RPSA2: variants seen among roughly 807,000 people sequenced by gnomAD.
The protein encoded by RPSA2 is small ribosomal subunit protein uS2B.
At chr19:23,780,430 T>A in the RPSA2 span, among the ~76,000 whole-genome samples, 1 of 151,960 alleles carries the variant, frequency 6.6e-6, no homozygotes, top group African/African-American at 2.4e-5. Context: ...GATCACAAGG[T>A]CAGGAGATCG....
At chr19:23,827,022 A>G in the RPSA2 span, 7 of 666,906 alleles carry the variant, frequency 1.0e-5, no homozygotes, top group East Asian at 1.9e-4. Context: ...TATCTACTGA[A>G]TGATTTATTG....
At chr19:23,842,446 A>G in the RPSA2 span, 1 of 152,260 alleles carries the variant, frequency 6.6e-6, no homozygotes, top group African/African-American at 2.4e-5. Context: ...CCAGTCTCTT[A>G]TGTAAAACAG....
At chr19:23,774,992 C>G in the RPSA2 span, among the ~76,000 whole-genome samples, 2 of 152,134 alleles carry the variant, frequency 1.3e-5, no homozygotes, top group Non-Finnish European at 2.9e-5. Flanking sequence ...GATGTTTACT[C>G]TCATATCAAA....
At chr19:23,860,017 C>T in the RPSA2 span, among the ~76,000 whole-genome samples, 52,287 of 152,062 alleles carry the variant, frequency 0.34, 9,238 homozygotes, top group Non-Finnish European at 0.38. Flanking sequence ...AAAATGTATT[C>T]TATCAAAGAG....
At chr19:23,810,424 AAAAGGGC>A in the RPSA2 span, among the ~76,000 whole-genome samples, 4 of 962 alleles carry the variant, frequency 4.2e-3, 2 homozygotes, top group Non-Finnish European at 0.013. Flanking sequence ...AAAAAAAGGG[AAAAGGGC>A]TTGGATAGTT....
At chr19:23,780,367 G>T in the RPSA2 span, among the ~76,000 whole-genome samples, 2 of 152,140 alleles carry the variant, frequency 1.3e-5, no homozygotes, top group African/African-American at 4.8e-5. Flanking sequence ...CTATCGGCCG[G>T]GCGCGGTGGC....
the RPSA2 span, among the ~76,000 whole-genome samples, chr19:23,802,826 CAATA>C: frequency 6.6e-6 from 1 of 152,070 alleles, no homozygotes; most frequent in Non-Finnish European, 1.5e-5. Context: ...ATGGTGGGTA[CAATA>C]AATAGACATG....
the RPSA2 span, among the ~76,000 whole-genome samples, chr19:23,855,366 A>G: frequency 6.6e-6 from 1 of 152,208 alleles, no homozygotes; most frequent in Non-Finnish European, 1.5e-5. Flanking sequence ...AGAGTCTGTA[A>G]TACCATTTTA....
chr19:23,804,893 T>C, the RPSA2 span, among the ~76,000 whole-genome samples: 2 of 152,220 alleles, frequency 1.3e-5, no homozygotes, highest in Non-Finnish European at 1.5e-5. Context: ...CATCTATTTG[T>C]TTTAATTAAG....
chr19:23,826,127 T>A, the RPSA2 span, among the ~76,000 whole-genome samples: 1 of 151,896 alleles, frequency 6.6e-6, no homozygotes, highest in Non-Finnish European at 1.5e-5. Flanking sequence ...AATGTTTTTA[T>A]CTTGCAAAGC....
chr19:23,785,763 C>T, the RPSA2 span, among the ~76,000 whole-genome samples: 1 of 152,168 alleles, frequency 6.6e-6, no homozygotes, highest in Admixed American at 6.5e-5. Flanking sequence ...TGGTCTAGCT[C>T]ACAGGTGCAA....
At chr19:23,773,851 A>G in the RPSA2 span, among the ~76,000 whole-genome samples, 1 of 152,166 alleles carries the variant, frequency 6.6e-6, no homozygotes, top group African/African-American at 2.4e-5. Flanking sequence ...TTCATCGTTG[A>G]AATTGTAACT....
chr19:23,790,734 C>G, the RPSA2 span: 1 of 454,654 alleles, frequency 2.2e-6, no homozygotes, highest in African/African-American at 2.1e-5. Flanking sequence ...TACTGGAGAT[C>G]CACAGCAAAG....
chr19:23,859,281 T>C, the RPSA2 span, among the ~76,000 whole-genome samples: 1 of 152,148 alleles, frequency 6.6e-6, no homozygotes, highest in Non-Finnish European at 1.5e-5. Flanking sequence ...AGAAAATTCT[T>C]GTTTCCCTAC....
the RPSA2 span, among the ~76,000 whole-genome samples, chr19:23,863,099 G>C: frequency 6.6e-6 from 1 of 152,094 alleles, no homozygotes; most frequent in South Asian, 2.1e-4. Flanking sequence ...CTATCATGAT[G>C]AGTGTGTTTG....
At chr19:23,848,950 G>C in the RPSA2 span, among the ~76,000 whole-genome samples, 16 of 152,322 alleles carry the variant, frequency 1.1e-4, no homozygotes, top group Middle Eastern at 3.4e-3. Context: ...AAATCTCTTA[G>C]CTCTTTTGAG....
At chr19:23,808,822 A>G in the RPSA2 span, 99,085 of 807,952 alleles carry the variant, frequency 0.12, 6,317 homozygotes, top group East Asian at 0.22. Flanking sequence ...CAGGTAGGTT[A>G]GAGTGAATAC....
the RPSA2 span, among the ~76,000 whole-genome samples, chr19:23,816,160 G>A: frequency 0.096 from 14,580 of 151,156 alleles, 957 homozygotes; most frequent in South Asian, 0.18. Flanking sequence ...TTTGAGATAG[G>A]GTCTCACTCT....
the RPSA2 span, among the ~76,000 whole-genome samples, chr19:23,791,263 G>A: frequency 1.3e-5 from 2 of 152,274 alleles, no homozygotes; most frequent in East Asian, 3.9e-4. Flanking sequence ...GGCCCCGTAA[G>A]TGCTGGGATT....
Sources: allele counts gnomAD v4.1 joint callset (sites outside exome capture counted in the v4.1 genomes callset), GRCh38; gene constraint gnomAD v4.1.1; transcripts MANE v1.5; gene names NCBI Gene and HGNC (gene_info 2026-07-23, HGNC 2026-07-21).